RORA: variants seen among roughly 807,000 people sequenced by gnomAD.
RORA encodes the protein nuclear receptor ROR-alpha.
Under a neutral mutation model 69.5 loss-of-function variants are expected in RORA, and 7 were observed. The ratio of observed to expected loss-of-function variants is 0.10; its 90% confidence interval spans 0.06 to 0.19. The LOEUF (loss-of-function observed/expected upper bound fraction) is 0.19, where lower values mean the gene tolerates loss of function less well. RORA is among the 10% of genes least tolerant of loss of function. The pLI is 1.00. For synonymous variants in RORA, 261 were observed against 240.8 expected (o/e 1.08, Z -0.78); for missense variants, 457 against 663.0 (o/e 0.69, Z 3.41).
At chr15:60,909,162 C>T (rs1397767726) in intron 1 of RORA, among the ~76,000 whole-genome samples, 1 of 152,200 alleles carries the variant, frequency 6.6e-6, no homozygotes, top group Non-Finnish European at 1.5e-5. Context: ...GTGAGCATAA[C>T]AGAGTTACCT....
At chr15:60,940,709 C>T (rs954549029) in intron 1 of RORA, among the ~76,000 whole-genome samples, 2 of 152,120 alleles carry the variant, frequency 1.3e-5, no homozygotes, top group Non-Finnish European at 2.9e-5. Flanking sequence ...AGGTGGATCA[C>T]GAGGTCAGAA....
At position 60,648,293 on chromosome 15, in the gene RORA, T is replaced by A. The variant is rs564296438; in HGVS notation, c.196+30364A>T. ...CTTTAGTAGAGTATGATGCATATTCTAATTATATCAATATTGGATGCATTG... is the reference window on the plus strand; with the variant it reads ...CTTTAGTAGAGTATGATGCATATTCAAATTATATCAATATTGGATGCATTG... On this transcript the variant is annotated intron_variant, in intron 2 of 10. Coordinates refer to ENST00000335670, the MANE Select transcript of RORA (RefSeq NM_134261.3). Among the ~76,000 whole-genome samples the A allele has an allele frequency of 3.9e-4, 60 of 152,366 alleles. 1 individual carries two copies. In the South Asian group the frequency reaches 9.9e-3, roughly 25 times the overall value.
At chr15:61,018,178 T>C (rs536571427) in intron 1 of RORA, among the ~76,000 whole-genome samples, 6 of 152,300 alleles carry the variant, frequency 3.9e-5, no homozygotes, top group South Asian at 4.1e-4. Context: ...ATCTTCGTAA[T>C]TGTCCATAAT....
chr15:60,656,165 GT>G (rs1288948528), intron 2 of RORA, among the ~76,000 whole-genome samples: 1 of 152,162 alleles, frequency 6.6e-6, no homozygotes, highest in African/African-American at 2.4e-5. Context: ...GAAGAGAGAG[GT>G]TTGGGAGACC....
chr15:60,626,058 C>T (rs901638998), intron 2 of RORA, among the ~76,000 whole-genome samples: 7 of 152,336 alleles, frequency 4.6e-5, no homozygotes, highest in African/African-American at 1.7e-4. Context: ...CACGCTGCTG[C>T]CTCAGGGAGC....
intron 1 of RORA, among the ~76,000 whole-genome samples, chr15:60,832,796 T>G (rs1003396847): frequency 6.6e-6 from 1 of 152,204 alleles, no homozygotes; most frequent in African/African-American, 2.4e-5. Flanking sequence ...AGGACTGAAG[T>G]CCGAGGCTTT....
At chr15:60,597,577 C>CATATATATATATATATATATAT (rs1303140365) in intron 2 of RORA, among the ~76,000 whole-genome samples, 1 of 25,304 alleles carries the variant, frequency 4.0e-5, no homozygotes, top group Non-Finnish European at 6.7e-5. Context: ...TATATATACA[C>CATATATATATATATATATATAT]ATATATATAT....
At chr15:60,915,815 C>A (rs1420480659) in intron 1 of RORA, among the ~76,000 whole-genome samples, 1 of 152,134 alleles carries the variant, frequency 6.6e-6, no homozygotes, top group African/African-American at 2.4e-5. Flanking sequence ...CCAAGAACAA[C>A]ATATTTACAC....
chr15:60,940,485 C>A (rs909002055), intron 1 of RORA, among the ~76,000 whole-genome samples: 4 of 152,070 alleles, frequency 2.6e-5, no homozygotes, highest in Admixed American at 1.3e-4. Flanking sequence ...TCTGTGGAAG[C>A]CAGAGGCCAG....
At chr15:61,210,629 T>C (rs929638305) in intron 1 of RORA, among the ~76,000 whole-genome samples, 2 of 152,166 alleles carry the variant, frequency 1.3e-5, no homozygotes, top group East Asian at 1.9e-4. Flanking sequence ...GCTAAAGCTA[T>C]GAATACCCTT....
intron 1 of RORA, among the ~76,000 whole-genome samples, chr15:60,962,633 A>G (rs2140344283): frequency 6.6e-6 from 1 of 152,302 alleles, no homozygotes; most frequent in South Asian, 2.1e-4. Flanking sequence ...TTAGCACACC[A>G]TTTTAGAGAC....
At chr15:60,958,327 T>A (rs1035087705) in intron 1 of RORA, among the ~76,000 whole-genome samples, 14 of 152,114 alleles carry the variant, frequency 9.2e-5, no homozygotes, top group African/African-American at 3.4e-4. Context: ...TGGAGAGTCA[T>A]TAGGGATTTA....
chr15:60,991,129 G>A (rs12903528), intron 1 of RORA, among the ~76,000 whole-genome samples: 41,421 of 151,994 alleles, frequency 0.27, 5,857 homozygotes, highest in South Asian at 0.39. Context: ...GAGAAGACAC[G>A]GACTATACCC....
chr15:60,927,689 A>G (rs55908830), intron 1 of RORA, among the ~76,000 whole-genome samples: 46,908 of 152,020 alleles, frequency 0.31, 7,454 homozygotes, highest in South Asian at 0.41. Flanking sequence ...CATGAGAATC[A>G]CTTGAACCTG....
chr15:60,844,411 T>A (rs762582584), intron 1 of RORA, among the ~76,000 whole-genome samples: 1 of 152,206 alleles, frequency 6.6e-6, no homozygotes, highest in Non-Finnish European at 1.5e-5. Flanking sequence ...GAGTTGTTGT[T>A]GTTGTTGTTG....
At chr15:60,608,314 T>A (rs1049522645) in intron 2 of RORA, among the ~76,000 whole-genome samples, 1 of 152,210 alleles carries the variant, frequency 6.6e-6, no homozygotes, top group Non-Finnish European at 1.5e-5. Context: ...ACCTCCAAAT[T>A]GCTTTTACAT....
chr15:60,775,893 G>A (rs547086599), intron 1 of RORA, among the ~76,000 whole-genome samples: 41 of 152,130 alleles, frequency 2.7e-4, no homozygotes, highest in South Asian at 6.2e-4. Context: ...AATACAATGC[G>A]GCAGGGGAAA....
chr15:60,717,836 G>C (rs1322598857), intron 1 of RORA, among the ~76,000 whole-genome samples: 1 of 63,014 alleles, frequency 1.6e-5, no homozygotes, highest in Non-Finnish European at 2.9e-5. Flanking sequence ...GTCTTGTTCT[G>C]TCACCCAGGC....
chr15:61,055,805 C>T lies in RORA; in HGVS notation c.166+173248G>A, dbSNP rs560500585. 5.9e-5 allele frequency among the ~76,000 whole-genome samples: 9 copies of T among 152,342 alleles called. No individual in the cohort carries two copies. In the South Asian group the frequency reaches 1.9e-3, roughly 32 times the overall value. On this transcript the variant is annotated intron_variant, in intron 1 of 10. Transcript: ENST00000335670. The stretch of plus-strand genomic sequence containing the variant: ...AGAACAGAATCATTAGGATTTGAGA[C>T]ACGTTTTCAGAAAAGTGCCTTTAAA...
Sources: gnomAD v4.1 joint callset for allele counts (sites outside exome capture counted in the v4.1 genomes callset) on GRCh38, gnomAD v4.1.1 for gene constraint, MANE v1.5 for transcripts, NCBI Gene and HGNC (gene_info 2026-07-23, HGNC 2026-07-21) for gene names.